DIP2C: variants seen among roughly 807,000 people sequenced by gnomAD.
DIP2C encodes DIP2 acetate--CoA ligase C (putative), also known as disco-interacting protein 2 homolog C.
A neutral mutation model predicts 192.4 loss-of-function variants in DIP2C; 33 were observed. That is an observed-to-expected ratio of 0.17 (90% confidence interval 0.13 to 0.23). DIP2C has a LOEUF of 0.23. Ranked by LOEUF, DIP2C falls within the 10% of genes least tolerant of loss-of-function variation. The probability of loss-of-function intolerance (pLI) is 1.00; values close to 1 mark genes in which losing one functional copy is unlikely to be tolerated. For synonymous variants in DIP2C, 979 were observed against 864.1 expected (o/e 1.13, Z -2.33); for missense variants, 1,537 against 2,110.1 (o/e 0.73, Z 5.32).
chr10:607,765 C>T (rs1176373908), intron 1 of DIP2C, among the ~76,000 whole-genome samples: 1 of 152,068 alleles, frequency 6.6e-6, no homozygotes, highest in Non-Finnish European at 1.5e-5. Context: ...TCTTCAGAGA[C>T]AATGGAAACC....
chr10:665,144 C>T (rs984890135), intron 1 of DIP2C: 1 of 152,138 alleles, frequency 6.6e-6, no homozygotes, highest in African/African-American at 2.4e-5. Flanking sequence ...CTGAATAAAA[C>T]AGAAAATAAA....
At chr10:345,500 CCGGAAACCCCACAAACACCCA>C (rs1958402335) in intron 26 of DIP2C, among the ~76,000 whole-genome samples, 2 of 64,576 alleles carry the variant, frequency 3.1e-5, no homozygotes, top group Non-Finnish European at 6.7e-5. Context: ...CACAGTTCTC[CCGGAAACCCCACAAACACCCA>C]TCCCAGACAC....
At chr10:633,668 C>T (rs1254771946) in intron 1 of DIP2C, among the ~76,000 whole-genome samples, 1 of 152,208 alleles carries the variant, frequency 6.6e-6, no homozygotes, top group East Asian at 1.9e-4. Flanking sequence ...TAAAACTGCT[C>T]GGCTCTGGAA....
At chr10:674,867 T>A (rs7913152) in intron 1 of DIP2C, among the ~76,000 whole-genome samples, 1 of 144,568 alleles carries the variant, frequency 6.9e-6, no homozygotes, top group East Asian at 2.0e-4. Context: ...AAACCCCACT[T>A]TCAGCACTGG....
intron 32 of DIP2C, among the ~76,000 whole-genome samples, chr10:297,948 T>A (rs537583518): frequency 3.3e-5 from 5 of 152,332 alleles, no homozygotes; most frequent in Admixed American, 2.0e-4. Flanking sequence ...AATACACTTT[T>A]TAGGAGTTTC....
intron 3 of DIP2C, among the ~76,000 whole-genome samples, chr10:471,267 T>G (rs1970603978): frequency 6.6e-6 from 1 of 152,080 alleles, no homozygotes; most frequent in African/African-American, 2.4e-5. Context: ...TCTGAGGCCA[T>G]AAAATCTCCT....
intron 7 of DIP2C, among the ~76,000 whole-genome samples, chr10:414,757 A>ATAT (rs60489200): frequency 3.5e-4 from 24 of 69,564 alleles, no homozygotes; most frequent in East Asian, 5.0e-4. Flanking sequence ...ATATATATAT[A>ATAT]ATGTGTATAT....
At chr10:367,312 G>C (rs1210286192) in intron 18 of DIP2C, among the ~76,000 whole-genome samples, 1 of 151,914 alleles carries the variant, frequency 6.6e-6, no homozygotes, top group East Asian at 1.9e-4. Flanking sequence ...AGCTCCTCGG[G>C]AGGCGGAGGC....
chr10:541,779 C>A (rs1196667482), intron 1 of DIP2C, among the ~76,000 whole-genome samples: 5 of 151,912 alleles, frequency 3.3e-5, no homozygotes, highest in African/African-American at 1.2e-4. Context: ...CACAGCGTGA[C>A]CCTTCACCTG....
chr10:311,380 G>A (rs913903351), intron 31 of DIP2C, among the ~76,000 whole-genome samples: 3 of 152,236 alleles, frequency 2.0e-5, no homozygotes, highest in South Asian at 2.1e-4. Context: ...AGGCCTGAAC[G>A]TGACATTGCC....
At chr10:608,162 ACAGCCCCCCC>A (rs1852667725) in intron 1 of DIP2C, among the ~76,000 whole-genome samples, 2 of 24,580 alleles carry the variant, frequency 8.1e-5, no homozygotes, top group Non-Finnish European at 1.2e-4. Flanking sequence ...ACACACCCCC[ACAGCCCCCCC>A]CACACACACC....
chr10:599,043 G>A (rs1851894819), intron 1 of DIP2C, among the ~76,000 whole-genome samples: 1 of 152,192 alleles, frequency 6.6e-6, no homozygotes, highest in South Asian at 2.1e-4. Flanking sequence ...AGACCGTGTG[G>A]AATAAAGTAA....
chr10:472,427 C>A lies in DIP2C; in HGVS notation c.268+12G>T, dbSNP rs1266252281. The A allele has an allele frequency of 1.2e-6, 2 of 1,611,974 alleles. No individual in the cohort carries two copies. The highest frequency in any genetic ancestry group is 8.5e-7 in the Non-Finnish European group (1 of 1,178,364). On this transcript the variant is annotated intron_variant, in intron 3 of 36. Transcript: ENST00000280886. ...CAGATGGACGTATTGTATCACCCCA[C>A]CCCGTGCTTACCTGACCGATAGCGC...
At chr10:506,497 A>AG (rs1160938748) in intron 1 of DIP2C, among the ~76,000 whole-genome samples, 1 of 152,096 alleles carries the variant, frequency 6.6e-6, no homozygotes, top group Non-Finnish European at 1.5e-5. Context: ...GTCATGACCC[A>AG]GGGCAGGGCC....
At chr10:435,563 C>T (rs528042259) in intron 4 of DIP2C, among the ~76,000 whole-genome samples, 415 of 152,302 alleles carry the variant, frequency 2.7e-3, no homozygotes, top group Middle Eastern at 6.8e-3. Flanking sequence ...GCTTTCTGCT[C>T]CAGTGTATGG....
At chr10:287,931 T>C (rs1261915143) in intron 33 of DIP2C, among the ~76,000 whole-genome samples, 2 of 152,308 alleles carry the variant, frequency 1.3e-5, no homozygotes, top group East Asian at 3.9e-4. Flanking sequence ...GTGACCACAT[T>C]CTGATCAATG....
At chr10:535,615 C>T (rs764286524) in intron 1 of DIP2C, among the ~76,000 whole-genome samples, 1 of 152,178 alleles carries the variant, frequency 6.6e-6, no homozygotes, top group Non-Finnish European at 1.5e-5. Context: ...TGATCCCACA[C>T]TCGTCACTGC....
chr10:535,084 G>A (rs1847625304), intron 1 of DIP2C, among the ~76,000 whole-genome samples: 1 of 152,192 alleles, frequency 6.6e-6, no homozygotes, highest in Non-Finnish European at 1.5e-5. Context: ...TCTCCCTGCA[G>A]GATGGTACAG....
At chr10:463,600 C>T (rs1969965953) in intron 3 of DIP2C, among the ~76,000 whole-genome samples, 1 of 152,142 alleles carries the variant, frequency 6.6e-6, no homozygotes, top group East Asian at 1.9e-4. Context: ...CTATCCCCAT[C>T]GAGCTACCAT....
Sources: gnomAD v4.1 joint callset for allele counts (sites outside exome capture counted in the v4.1 genomes callset) on GRCh38, gnomAD v4.1.1 for gene constraint, MANE v1.5 for transcripts, NCBI Gene and HGNC (gene_info 2026-07-23, HGNC 2026-07-21) for gene names.